The following PARD6G variants were observed in gnomAD, a reference collection of about 807,000 sequenced individuals.
PARD6G encodes partitioning defective 6 homolog gamma.
In PARD6G, 7 loss-of-function variants were observed where a neutral mutation model predicts 10.7. The observed-to-expected ratio is 0.66, with a 90% CI of 0.37 to 1.23. The LOEUF is 1.23. Ranked by LOEUF, PARD6G falls within the 50% of genes most tolerant of loss-of-function variation. The pLI is 0.02. For synonymous variants in PARD6G, 287 were observed against 269.4 expected, an observed-to-expected ratio of 1.07 and a Z score of -0.64; for missense variants, 548 against 571.8, an observed-to-expected ratio of 0.96 and a Z score of 0.42.
chr18:80,229,128 T>C (rs979444007), intron 1 of PARD6G, among the ~76,000 whole-genome samples: 15 of 152,032 alleles, frequency 9.9e-5, no homozygotes, highest in African/African-American at 3.6e-4. Context: ...TTAGTAGAGA[T>C]GGGGTTTCAC....
At chr18:80,196,890 T>TAAAA (rs572719232) in intron 2 of PARD6G, among the ~76,000 whole-genome samples, 9 of 88,016 alleles carry the variant, frequency 1.0e-4, no homozygotes, top group East Asian at 3.5e-4. Context: ...TTTCTTTTAT[T>TAAAA]AAAAAAAAAA....
chr18:80,199,063 C>T (rs766763957), intron 2 of PARD6G, among the ~76,000 whole-genome samples: 10 of 152,180 alleles, frequency 6.6e-5, no homozygotes, highest in Middle Eastern at 3.2e-3. Context: ...TATGGATTTG[C>T]CCATTCTGGA....
intron 1 of PARD6G, among the ~76,000 whole-genome samples, chr18:80,224,670 AC>A (rs1211751757): frequency 6.6e-6 from 1 of 152,082 alleles, no homozygotes; most frequent in East Asian, 1.9e-4. Context: ...ACACGGTGAA[AC>A]CCCATCTCTA....
intron 1 of PARD6G, among the ~76,000 whole-genome samples, chr18:80,215,356 G>T (rs1250825987): frequency 1.3e-5 from 2 of 152,240 alleles, no homozygotes; most frequent in Admixed American, 1.3e-4. Context: ...ATATAAAAAT[G>T]ATAGTATAAA....
intron 2 of PARD6G, among the ~76,000 whole-genome samples, chr18:80,199,071 G>T (rs1262712381): frequency 6.6e-6 from 1 of 152,078 alleles, no homozygotes; most frequent in Non-Finnish European, 1.5e-5. Flanking sequence ...TGCCCATTCT[G>T]GACTTTTCAC....
At position 80,157,427 on chromosome 18, in the gene PARD6G, T is replaced by C. The variant is rs2052663073; in HGVS notation, c.*2344A>G. 1 of 152,134 alleles carries C rather than the reference T, an allele frequency of 6.6e-6. No homozygotes were observed. 9.4% of individuals were successfully genotyped at this position (152,134 alleles called of 1,614,324 possible). A position where few individuals can be genotyped will look rare whatever the true frequency, so the allele number is the denominator to read the frequency against. On this transcript the variant is annotated 3_prime_UTR_variant, in exon 3 of 3. Coordinates refer to ENST00000353265, the MANE Select transcript of PARD6G (RefSeq NM_032510.4). ...ATTATGAATAGCACACAAATCTCAGTGAAAGCCTCATTTCTTAAAAAAAAA... is the reference window on the plus strand; with the variant it reads ...ATTATGAATAGCACACAAATCTCAGCGAAAGCCTCATTTCTTAAAAAAAAA...
At chr18:80,216,205 T>A (rs1330926357) in intron 1 of PARD6G, among the ~76,000 whole-genome samples, 1 of 152,140 alleles carries the variant, frequency 6.6e-6, no homozygotes, top group Non-Finnish European at 1.5e-5. Context: ...CCAATTTTTA[T>A]AATGAATAAA....
At chr18:80,223,963 C>T (rs1429388539) in intron 1 of PARD6G, among the ~76,000 whole-genome samples, 2 of 152,156 alleles carry the variant, frequency 1.3e-5, no homozygotes, top group African/African-American at 2.4e-5. Flanking sequence ...CTGGCTTTTC[C>T]AGTTAAAATG....
intron 2 of PARD6G, chr18:80,170,639 T>G (rs2052769757): frequency 6.6e-6 from 1 of 152,298 alleles, no homozygotes; most frequent in African/African-American, 2.4e-5. Context: ...CGCTGCCCAG[T>G]GGGCCCTGCA....
intron 2 of PARD6G, among the ~76,000 whole-genome samples, chr18:80,199,105 G>A (rs1172663576): frequency 6.6e-6 from 1 of 152,186 alleles, no homozygotes; most frequent in Non-Finnish European, 1.5e-5. Flanking sequence ...CTTGTCACGT[G>A]TAGTAGTTTG....
intron 2 of PARD6G, among the ~76,000 whole-genome samples, chr18:80,195,548 C>CATATATATATATATATAT (rs201373415): frequency 0.041 from 3,330 of 81,366 alleles, 236 homozygotes; most frequent in Non-Finnish European, 0.061. Flanking sequence ...TTCAAAGATA[C>CATATATATATATATATAT]ATATATATAT....
At chr18:80,177,247 G>C (rs1483864510) in intron 2 of PARD6G, among the ~76,000 whole-genome samples, 2 of 36,852 alleles carry the variant, frequency 5.4e-5, no homozygotes, top group Admixed American at 3.3e-4. Context: ...CACACACACA[G>C]TACAAATCAC....
chr18:80,245,928 C>T (rs1038544866), intron 1 of PARD6G, among the ~76,000 whole-genome samples: 7 of 152,118 alleles, frequency 4.6e-5, no homozygotes, highest in Admixed American at 3.9e-4. Context: ...CCGTGTACCC[C>T]TAAGCAGAGA....
rs759820273 is a variant in PARD6G at position 80,159,411 on chromosome 18, A to G, written c.*360T>C. 1 of 185,030 alleles carries G rather than the reference A, an allele frequency of 5.4e-6. No individual in the cohort carries two copies. Among genetic ancestry groups the G allele is most frequent in the East Asian group, 1.4e-4 (1 of 7,370 alleles). The allele number at this position is 185,030 out of a possible 1,614,324, so 11.5% of individuals were successfully genotyped here. On this transcript the variant is annotated 3_prime_UTR_variant, in exon 3 of 3. Coordinates refer to ENST00000353265, the MANE Select transcript of PARD6G (RefSeq NM_032510.4). ...TGCATGGGCCAACTTACTTAAAAAC[A>G]TGAATTTGACTATTTTAAAAAAGTA...
chr18:80,219,502 G>C (rs149646050), intron 1 of PARD6G, among the ~76,000 whole-genome samples: 1 of 151,744 alleles, frequency 6.6e-6, no homozygotes, highest in Non-Finnish European at 1.5e-5. Flanking sequence ...GAGCCACTGC[G>C]CCCAGCCGGG....
intron 2 of PARD6G, among the ~76,000 whole-genome samples, chr18:80,199,179 G>T (rs1031314478): frequency 6.6e-6 from 1 of 152,218 alleles, no homozygotes; most frequent in South Asian, 2.1e-4. Flanking sequence ...GGGGGACACA[G>T]GGTTAGGTTC....
intron 1 of PARD6G, among the ~76,000 whole-genome samples, chr18:80,232,181 C>G (rs556506391): frequency 4.6e-5 from 7 of 152,120 alleles, no homozygotes; most frequent in African/African-American, 1.4e-4. Flanking sequence ...CCCCCGCCCC[C>G]CAAGCCACAC....
At chr18:80,217,666 C>T (rs1967184346) in intron 1 of PARD6G, among the ~76,000 whole-genome samples, 2 of 152,148 alleles carry the variant, frequency 1.3e-5, no homozygotes, top group Non-Finnish European at 2.9e-5. Context: ...CTGAAGAGTA[C>T]TCCTCAAAAC....
In PARD6G at chr18:80,180,635, C is replaced by A. The variant is rs550299353; in HGVS notation, c.296-20029G>T. 6.6e-6 allele frequency among the ~76,000 whole-genome samples: 1 copy of A among 152,318 alleles called. No individual in the cohort carries two copies. The highest frequency in any genetic ancestry group is 6.5e-5 in the Admixed American group (1 of 15,304). ...CCGCAAATGGCAGGGCTGCTCCCCA[C>A]TCCCTGGAGGAAGTGAGCCTGACCC... is the stretch of plus-strand genomic sequence containing the variant. On this transcript the variant is annotated intron_variant, in intron 2 of 2. Coordinates refer to ENST00000353265, the MANE Select transcript of PARD6G (RefSeq NM_032510.4). This position sits in a 1 kb window ranked among gnomAD's most constrained non-coding sequence, Gnocchi z 5.6.
Sources: allele counts gnomAD v4.1 joint callset (sites outside exome capture counted in the v4.1 genomes callset), GRCh38; gene constraint gnomAD v4.1.1; non-coding constraint Gnocchi (gnomAD v3.1); transcripts MANE v1.5; gene names NCBI Gene and HGNC (gene_info 2026-07-23, HGNC 2026-07-21).